The following SLC25A48 variants were observed in gnomAD, a reference collection of about 807,000 sequenced individuals.
SLC25A48 encodes CTC-321K16.1.
Under a neutral mutation model 32.2 loss-of-function variants are expected in SLC25A48, and 29 were observed. That is an observed-to-expected ratio of 0.90 (90% CI 0.67 to 1.23). The LOEUF is 1.23. Ranked by LOEUF, SLC25A48 falls within the 50% of genes most tolerant of loss-of-function variation. The pLI is 0.00. For missense variants in SLC25A48, 399 were observed against 422.7 expected (o/e 0.94, Z 0.49); for synonymous variants, 164 against 172.3 (o/e 0.95, Z 0.38).
intron 3 of SLC25A48, among the ~76,000 whole-genome samples, chr5:135,805,148 ACCTGTGTGTG>A (rs1265338985): frequency 4.7e-4 from 71 of 151,182 alleles, no homozygotes; most frequent in African/African-American, 1.6e-3. Flanking sequence ...GTGGGTGCAC[ACCTGTGTGTG>A]CACCCTGGGA....
At position 135,699,650 on chromosome 5, in the gene SLC25A48, A is replaced by G. The variant is rs140065856; in HGVS notation, c.-521+64694A>G. On this transcript the variant is annotated intron_variant, in intron 3 of 10. Coordinates refer to the SLC25A48 transcript ENST00000646290. ...GAGATCTGTGCATTTTATTATGTGT[A>G]ACATGTTCTATATTTCATAACTTGA... Among the ~76,000 whole-genome samples, 583 of 152,292 alleles carry G rather than the reference A, an allele frequency of 3.8e-3. 5 individuals are homozygous for G. Among genetic ancestry groups the G allele is most frequent in the African/African-American group, 0.013 (552 of 41,548 alleles).
At chr5:135,672,585 T>C (rs1029696857) in intron 3 of SLC25A48, among the ~76,000 whole-genome samples, 1 of 152,154 alleles carries the variant, frequency 6.6e-6, no homozygotes, top group Non-Finnish European at 1.5e-5. Flanking sequence ...ATGGCCAAGA[T>C]GGAGTGGAGG....
chr5:135,589,364 G>A (rs567721450), intron 1 of SLC25A48, among the ~76,000 whole-genome samples: 1 of 152,212 alleles, frequency 6.6e-6, no homozygotes, highest in Non-Finnish European at 1.5e-5. Context: ...GCGACGAAAA[G>A]GGAACTGTGT....
At chr5:135,763,173 G>A (rs936098977) in intron 3 of SLC25A48, among the ~76,000 whole-genome samples, 3 of 152,100 alleles carry the variant, frequency 2.0e-5, no homozygotes, top group African/African-American at 7.2e-5. Context: ...GGCATGGGAG[G>A]AGGACGGGAA....
intron 3 of SLC25A48, among the ~76,000 whole-genome samples, chr5:135,678,657 A>C: frequency 6.6e-6 from 1 of 151,938 alleles, no homozygotes; most frequent in Non-Finnish European, 1.5e-5. Context: ...CACTTTTTCC[A>C]ATTTTTCAAA....
chr5:135,734,553 T>C (rs897733105), intron 3 of SLC25A48, among the ~76,000 whole-genome samples: 2 of 151,210 alleles, frequency 1.3e-5, no homozygotes, highest in East Asian at 3.9e-4. Flanking sequence ...AGGGGCCGGG[T>C]GCGGTGGCTC....
chr5:135,643,224 G>A (rs1387394084), intron 3 of SLC25A48, among the ~76,000 whole-genome samples: 1 of 152,204 alleles, frequency 6.6e-6, no homozygotes, highest in South Asian at 2.1e-4. Context: ...GCTTCCTGAC[G>A]GGCGGTGGGG....
chr5:135,865,696 A>G (rs1193570390), intron 4 of SLC25A48, among the ~76,000 whole-genome samples: 1 of 152,140 alleles, frequency 6.6e-6, no homozygotes, highest in African/African-American at 2.4e-5. Context: ...TAAGGGCAAA[A>G]CAACACACTC....
At chr5:135,808,404 C>G (rs1480920927) in intron 3 of SLC25A48, among the ~76,000 whole-genome samples, 2 of 151,912 alleles carry the variant, frequency 1.3e-5, no homozygotes, top group African/African-American at 2.4e-5. Flanking sequence ...ATAAGAAACC[C>G]TAAATTTCAC....
chr5:135,609,693 A>G (rs918175595), intron 1 of SLC25A48: 1 of 152,228 alleles, frequency 6.6e-6, no homozygotes, highest in Non-Finnish European at 1.5e-5. Context: ...GTAACCTGAG[A>G]CCACTGGGTT....
intron 3 of SLC25A48, among the ~76,000 whole-genome samples, chr5:135,737,842 C>T (rs1413565752): frequency 6.6e-6 from 1 of 152,182 alleles, no homozygotes; most frequent in Non-Finnish European, 1.5e-5. Flanking sequence ...ACAAACCCAG[C>T]CTCCTACTTC....
intron 3 of SLC25A48, among the ~76,000 whole-genome samples, chr5:135,732,528 A>C (rs1457921107): frequency 1.3e-5 from 2 of 152,052 alleles, no homozygotes; most frequent in Non-Finnish European, 2.9e-5. Flanking sequence ...TAGGGAATGG[A>C]GGGAGGCCTG....
At chr5:135,810,708 G>C (rs1310015120) in intron 3 of SLC25A48, among the ~76,000 whole-genome samples, 1 of 152,096 alleles carries the variant, frequency 6.6e-6, no homozygotes, top group Non-Finnish European at 1.5e-5. Context: ...TGTGTGCCAG[G>C]GGCCTCTTGA....
rs1350117795 is a variant in SLC25A48 at position 135,810,161 on chromosome 5, T to C, written c.-520-2362T>C. On this transcript the variant is annotated intron_variant, in intron 3 of 10. Coordinates refer to the SLC25A48 transcript ENST00000646290. ...CCTCAGATGGACCATTTTGATGCCA[T>C]GTTGGGGACAAAGAAAGAAAGAGAA... 2.0e-5 allele frequency among the ~76,000 whole-genome samples: 3 copies of C among 152,160 alleles called. No homozygotes were observed. In the East Asian group the frequency reaches 5.8e-4, roughly 29 times the overall value.
intron 3 of SLC25A48, among the ~76,000 whole-genome samples, chr5:135,722,563 T>C (rs1561463472): frequency 6.6e-6 from 1 of 152,236 alleles, no homozygotes. Flanking sequence ...TCTACTGTGA[T>C]GTGTGGCCTT....
At chr5:135,862,593 C>A (rs1218969895) in intron 4 of SLC25A48, among the ~76,000 whole-genome samples, 1 of 152,184 alleles carries the variant, frequency 6.6e-6, no homozygotes, top group Non-Finnish European at 1.5e-5. Context: ...ATGAGAAAGG[C>A]CTCAGGAAAG....
At position 135,633,622 on chromosome 5, in the gene SLC25A48, G is replaced by A. The variant is rs187675365; in HGVS notation, c.-708-1147G>A. Among the ~76,000 whole-genome samples, 456 of 152,004 alleles carry A rather than the reference G, an allele frequency of 3.0e-3. 1 individual carries two copies. The highest frequency in any genetic ancestry group is 4.8e-3 in the Non-Finnish European group (325 of 68,008). The stretch of plus-strand genomic sequence containing the variant: ...TACATTTCTGTTGTTTAAGCCACAC[G>A]CTTTCTTGTGGCAGCCCAAGCAGAC... On this transcript the variant is annotated intron_variant, in intron 2 of 10. Transcript: ENST00000646290.
At chr5:135,785,521 G>C (rs1371857045) in intron 3 of SLC25A48, among the ~76,000 whole-genome samples, 1 of 146,144 alleles carries the variant, frequency 6.8e-6, no homozygotes, top group African/African-American at 2.6e-5. Context: ...GCAGGGTGTG[G>C]AACACCCCCT....
intron 3 of SLC25A48, among the ~76,000 whole-genome samples, chr5:135,706,112 G>A (rs533875139): frequency 1.4e-4 from 21 of 152,226 alleles, no homozygotes; most frequent in African/African-American, 2.2e-4. Flanking sequence ...CTTTGAGGCC[G>A]CCCCACTGCG....
Sources: allele counts gnomAD v4.1 joint callset (sites outside exome capture counted in the v4.1 genomes callset), GRCh38; gene constraint gnomAD v4.1.1; transcripts MANE v1.5; gene names NCBI Gene and HGNC (gene_info 2026-07-23, HGNC 2026-07-21).